SART1: variants seen among roughly 807,000 people sequenced by gnomAD.
SART1 encodes spliceosome associated factor 1, recruiter of U4/U6.U5 tri-snRNP.
Under a neutral mutation model 105.0 loss-of-function variants are expected in SART1, and 28 were observed. The ratio of observed to expected loss-of-function variants is 0.27; its 90% CI spans 0.20 to 0.37. The LOEUF (loss-of-function observed/expected upper bound fraction) is 0.37. SART1 is among the 10% of genes least tolerant of loss of function. The probability of loss-of-function intolerance (pLI) is 1.00; values close to 1 mark genes in which losing one functional copy is unlikely to be tolerated. For synonymous variants in SART1, 472 were observed against 462.9 expected, an observed-to-expected ratio of 1.02 and a Z score of -0.25; for missense variants, 894 against 1,106.5, an observed-to-expected ratio of 0.81 and a Z score of 2.72.
chr11:65,970,820 C>G (rs1855362148), intron 12 of SART1, among the ~76,000 whole-genome samples: 1 of 30,114 alleles, frequency 3.3e-5, no homozygotes, highest in Admixed American at 5.2e-4. Context: ...GATTCATGAG[C>G]TGAGGAGGGG....
Position 65,980,074 on chromosome 11 carries a change from C to T in SART1, c.*1044C>T, listed in dbSNP as rs1342386791. ...GCTGCAGTGGGCCCTGATTGAGCCA[C>T]CACACTGCAGCCTAGGTGACAGTCA... On this transcript the variant is annotated 3_prime_UTR_variant, in exon 20 of 20. Transcript: ENST00000312397. Among the ~76,000 whole-genome samples the T allele has an allele frequency of 1.3e-5, 2 of 152,018 alleles. No homozygotes were observed. The highest frequency in any genetic ancestry group is 4.8e-5 in the African/African-American group (2 of 41,356).
At chr11:65,975,033 C>T (rs1565317332) in intron 12 of SART1, among the ~76,000 whole-genome samples, 1 of 151,682 alleles carries the variant, frequency 6.6e-6, no homozygotes, top group Admixed American at 6.6e-5. Flanking sequence ...AAGTGAGACT[C>T]TGTCTCAAAA....
rs757706623 is a variant in SART1 at position 65,966,356 on chromosome 11, C to T, written c.988C>T (p.Pro330Ser). 1 of 1,614,034 alleles carries T rather than the reference C, an allele frequency of 6.2e-7. No individual in the cohort carries two copies. Among genetic ancestry groups the T allele is most frequent in the Non-Finnish European group, 8.5e-7 (1 of 1,180,038 alleles). Residue 330 changes from proline (P) to serine (S), a missense_variant, in exon 9 of 20, where the codon CCT becomes TCT. Pro to Ser is a moderately conservative substitution (Grantham distance 74). This residue lies in a region of SART1 where 712 missense variants were observed against 778.2 expected (regional missense o/e 0.91). Coordinates refer to ENST00000312397, the MANE Select transcript of SART1 (RefSeq NM_005146.5). ...ESVDDLAQQK[P>S]RSILSKYDEE... ...TGTACCTCTTGCCTTGCAGCAAAAA[C>T]CTCGCTCTATCCTGTCCAAGTATGA...
chr11:65,964,115 A>T lies in SART1; in HGVS notation c.355A>T (p.Ser119Cys), dbSNP rs1855200657. 6.2e-7 allele frequency: 1 copy of T among 1,613,118 alleles called. No individual in the cohort carries two copies. The highest frequency in any genetic ancestry group is 1.1e-5 in the South Asian group (1 of 91,082). The change falls in exon 2 of 20, where the codon AGC becomes TGC. Residue 119 changes from serine (S) to cysteine (C), a missense_variant. Transcript: ENST00000312397. ...TAGCTCAGGCGATGCCTCCTCACTC[A>T]GCATCGAGGAGACTAAGTGAGTACT... ...KTSSGDASSL[S>C]IEETNKLRAK... is the part of the protein sequence containing the mutation.
At chr11:65,964,310 A>G (rs1031560071) in intron 2 of SART1, 179 bp downstream of exon 2, 1 of 825,366 alleles carries the variant, frequency 1.2e-6, no homozygotes, top group Admixed American at 2.1e-5. Flanking sequence ...GTAAAGTGGC[A>G]TTCACTGGTT....
rs555491337 is a variant in SART1, at chr11:65,978,251, G to A, written c.2173-349G>A. ...CTTCCAGCACTCTCGTAGGCCGCCCGACCGTCCTGCCCTACCACTCAGCTG... is the reference window on the plus strand; with the variant it reads ...CTTCCAGCACTCTCGTAGGCCGCCCAACCGTCCTGCCCTACCACTCAGCTG... On this transcript the variant is annotated intron_variant, in intron 17 of 19. Coordinates refer to ENST00000312397, the MANE Select transcript of SART1 (RefSeq NM_005146.5). This position sits in a 1 kb window ranked among gnomAD's most constrained non-coding sequence, Gnocchi z 6.8. The A allele has an allele frequency of 2.6e-4, 129 of 496,418 alleles. No individual in the cohort carries two copies. Among genetic ancestry groups the A allele is most frequent in the Non-Finnish European group, 3.9e-4 (106 of 274,172 alleles). The allele number at this position is 496,418 out of a possible 1,614,324, so 30.8% of individuals were successfully genotyped here.
chr11:65,966,678 C>T (rs1855266575), intron 9 of SART1, 122 bp downstream of exon 9: 6 of 1,162,208 alleles, frequency 5.2e-6, no homozygotes, highest in Admixed American at 3.0e-5. Context: ...CTTGGCCTCG[C>T]GGGTGAGCAC....
At chr11:65,977,722 G>A (rs1476907522) in intron 16 of SART1, 42 bp from the exon 17 acceptor site, 2 of 1,613,786 alleles carry the variant, frequency 1.2e-6, no homozygotes, top group Non-Finnish European at 1.7e-6. Flanking sequence ...ACCACAGCAG[G>A]CGGCAGCTCC....
chr11:65,972,347 G>T (rs1855395959), intron 12 of SART1, among the ~76,000 whole-genome samples: 1 of 151,998 alleles, frequency 6.6e-6, no homozygotes, highest in Non-Finnish European at 1.5e-5. Flanking sequence ...GAGTGGGCGT[G>T]GGACAGTCAG....
intron 7 of SART1, 26 bp from the exon 8 acceptor site, chr11:65,966,050 T>C (rs755772823): frequency 2.5e-5 from 41 of 1,613,706 alleles, no homozygotes; most frequent in Middle Eastern, 1.6e-4. Flanking sequence ...CAAGTGTGAA[T>C]GGCCACTGCT....
At chr11:65,963,628 C>T (rs747412325) in intron 1 of SART1, among the ~76,000 whole-genome samples, 4 of 152,156 alleles carry the variant, frequency 2.6e-5, no homozygotes, top group East Asian at 1.9e-4. Flanking sequence ...ATTACAGGTG[C>T]GCACCACCGT....
rs374342564 is a variant in SART1, at chr11:65,980,037, T to G, written c.*1007T>G. On this transcript the variant is annotated 3_prime_UTR_variant, in exon 20 of 20. Coordinates refer to ENST00000312397, the MANE Select transcript of SART1 (RefSeq NM_005146.5). Reference sequence around the variant, plus strand: ...CTGAGGTGGGAGGATCACTTGAACCTGGGAGACACAGGCTGCAGTGGGCCC... The same window carrying G: ...CTGAGGTGGGAGGATCACTTGAACCGGGGAGACACAGGCTGCAGTGGGCCC... Among the ~76,000 whole-genome samples the G allele has an allele frequency of 2.6e-5, 4 of 151,978 alleles. No individual in the cohort carries two copies. Among genetic ancestry groups the G allele is most frequent in the African/African-American group, 9.7e-5 (4 of 41,370 alleles).
At position 65,979,121 on chromosome 11, in the gene SART1, A is replaced by C. The variant is rs1855540804; in HGVS notation, c.*91A>C. ...CCTCCCTGGTCGTGGTACAGATTCCAGGGTTGGATCTTTGGTTGGGTGTGG... is the reference window on the plus strand; with the variant it reads ...CCTCCCTGGTCGTGGTACAGATTCCCGGGTTGGATCTTTGGTTGGGTGTGG... On this transcript the variant is annotated 3_prime_UTR_variant, in exon 20 of 20. Coordinates refer to ENST00000312397, the MANE Select transcript of SART1 (RefSeq NM_005146.5). 1 of 1,547,470 alleles carries C rather than the reference A, an allele frequency of 6.5e-7. No individual in the cohort carries two copies. The highest frequency in any genetic ancestry group is 8.8e-7 in the Non-Finnish European group (1 of 1,130,282).
intron 12 of SART1, among the ~76,000 whole-genome samples, chr11:65,973,742 C>T (rs1283596002): frequency 6.6e-6 from 1 of 152,212 alleles, no homozygotes; most frequent in Non-Finnish European, 1.5e-5. Flanking sequence ...AGAGCCAGAT[C>T]AAGGAGCATC....
At chr11:65,974,901 G>A (rs113042741) in intron 12 of SART1, among the ~76,000 whole-genome samples, 4 of 151,694 alleles carry the variant, frequency 2.6e-5, no homozygotes, top group African/African-American at 7.3e-5. Context: ...TTAGCTGGGC[G>A]TGGTGGCGGG....
chr11:65,972,268 G>A (rs1270398819), intron 12 of SART1, among the ~76,000 whole-genome samples: 1 of 152,164 alleles, frequency 6.6e-6, no homozygotes, highest in Non-Finnish European at 1.5e-5. Flanking sequence ...TAACAGAACA[G>A]AGAGACCAGA....
chr11:65,962,635 A>G (rs1440943540), intron 1 of SART1, among the ~76,000 whole-genome samples: 1 of 152,174 alleles, frequency 6.6e-6, no homozygotes, highest in Non-Finnish European at 1.5e-5. Flanking sequence ...GATAGTAGGG[A>G]GCCATGGATG....
At chr11:65,966,674 C>G in intron 9 of SART1, 118 bp downstream of exon 9, 1 of 1,225,412 alleles carries the variant, frequency 8.2e-7, no homozygotes, top group Non-Finnish European at 1.1e-6. Flanking sequence ...AGCGCTTGGC[C>G]TCGCGGGTGA....
Position 65,977,598 on chromosome 11 carries a change from G to C in SART1, c.1981G>C (p.Val661Leu). The change falls in exon 16 of 20, where the codon GTG becomes CTG. Residue 661 changes from valine to leucine, a missense_variant. Transcript: ENST00000312397. ...GACCACAGTGCAGAAGGTGGCCCGG[G>C]TGAAGGCCCCCAACAAGTCGCTGCC... The part of the protein sequence containing the change: ...LETTVQKVAR[V>L]KAPNKSLPSA... The C allele has an allele frequency of 6.2e-7, 1 of 1,614,014 alleles. No homozygotes were observed. Among genetic ancestry groups the C allele is most frequent in the Non-Finnish European group, 8.5e-7 (1 of 1,179,996 alleles).
Sources: gnomAD v4.1 joint callset for allele counts (sites outside exome capture counted in the v4.1 genomes callset) on GRCh38, gnomAD v4.1.1 for gene constraint, gnomAD v4.1.1 regional missense constraint, Gnocchi (gnomAD v3.1) non-coding constraint, MANE v1.5 for transcripts, NCBI Gene and HGNC (gene_info 2026-07-23, HGNC 2026-07-21) for gene names.